Variants in GRIK1 observed in about 807,000 individuals in gnomAD.
GRIK1 encodes glutamate receptor ionotropic, kainate 1.
In GRIK1, 69 loss-of-function variants were observed where a neutral mutation model predicts 105.7. The observed-to-expected ratio is 0.65, with a 90% CI of 0.54 to 0.80. GRIK1 has a LOEUF of 0.80. GRIK1 is among the 30% of genes least tolerant of loss of function. The pLI, the probability that GRIK1 is intolerant of heterozygous loss-of-function variation, is 0.00. For missense variants in GRIK1, 1,109 were observed against 1,167.3 expected, an observed-to-expected ratio of 0.95 and a Z score of 0.73; for synonymous variants, 438 against 431.3, an observed-to-expected ratio of 1.02 and a Z score of -0.19.
intron 1 of GRIK1, among the ~76,000 whole-genome samples, chr21:29,775,275 CAAAAAAAAAAA>C (rs66647707): frequency 4.0e-5 from 3 of 74,724 alleles, no homozygotes; most frequent in Non-Finnish European, 8.2e-5. Flanking sequence ...GCCTCTGTCT[CAAAAAAAAAAA>C]AAAAAAAAAA....
At chr21:29,661,994 A>G (rs3026010) in intron 4 of GRIK1, among the ~76,000 whole-genome samples, 76,778 of 152,050 alleles carry the variant, frequency 0.5, 22,418 homozygotes, top group African/African-American at 0.82. Flanking sequence ...TTTTTCTCCT[A>G]CCTCCAAGTT....
chr21:29,676,790 T>C (rs112430187), intron 3 of GRIK1, among the ~76,000 whole-genome samples: 1 of 152,076 alleles, frequency 6.6e-6, no homozygotes, highest in East Asian at 1.9e-4. Flanking sequence ...TCTTTAAAAA[T>C]GTCAATGTCA....
intron 1 of GRIK1, among the ~76,000 whole-genome samples, chr21:29,754,020 G>C (rs1443915652): frequency 1.3e-5 from 2 of 152,094 alleles, no homozygotes; most frequent in Non-Finnish European, 2.9e-5. Context: ...TACTAGGCAG[G>C]CAGACTCATT....
chr21:29,737,077 T>A (rs542195545), intron 1 of GRIK1, among the ~76,000 whole-genome samples: 2 of 152,350 alleles, frequency 1.3e-5, no homozygotes, highest in South Asian at 4.1e-4. Flanking sequence ...AGATGTATTC[T>A]CCATTTATGT....
chr21:29,924,776 G>T (rs2071304763), intron 1 of GRIK1, among the ~76,000 whole-genome samples: 1 of 151,948 alleles, frequency 6.6e-6, no homozygotes, highest in African/African-American at 2.4e-5. Flanking sequence ...GAGGTGAGGT[G>T]GTCTTCTATT....
At chr21:29,560,367 TC>T (rs1568813643) in intron 15 of GRIK1, among the ~76,000 whole-genome samples, 355 of 27,670 alleles carry the variant, frequency 0.013, 2 homozygotes, top group East Asian at 0.023. Flanking sequence ...TTTTCTTTCT[TC>T]CTTCCTTCCT....
At chr21:29,819,730 C>A (rs2067247195) in intron 1 of GRIK1, among the ~76,000 whole-genome samples, 1 of 151,908 alleles carries the variant, frequency 6.6e-6, no homozygotes, top group Non-Finnish European at 1.5e-5. Flanking sequence ...TCGAAAGGAG[C>A]AGTCAAGACT....
intron 1 of GRIK1, among the ~76,000 whole-genome samples, chr21:29,828,466 G>C (rs1601799150): frequency 6.6e-6 from 1 of 151,990 alleles, no homozygotes; most frequent in African/African-American, 2.4e-5. Flanking sequence ...CAGGAATGGT[G>C]AAAGCACTTT....
intron 1 of GRIK1, among the ~76,000 whole-genome samples, chr21:29,936,168 A>G (rs578242557): frequency 1.3e-5 from 2 of 152,330 alleles, no homozygotes; most frequent in South Asian, 2.1e-4. Context: ...ACACCAAAAC[A>G]TGCTTCGGAA....
At chr21:29,933,116 T>C (rs1392630695) in intron 1 of GRIK1, among the ~76,000 whole-genome samples, 1 of 152,166 alleles carries the variant, frequency 6.6e-6, no homozygotes, top group Non-Finnish European at 1.5e-5. Flanking sequence ...TCTGCCACCA[T>C]ACTAAGTGTT....
intron 1 of GRIK1, among the ~76,000 whole-genome samples, chr21:29,876,476 C>T (rs543610105): frequency 6.6e-6 from 1 of 152,224 alleles, no homozygotes; most frequent in East Asian, 1.9e-4. Context: ...AGAATCTACC[C>T]CCTACTGGTG....
intron 1 of GRIK1, among the ~76,000 whole-genome samples, chr21:29,898,662 A>C (rs1022834497): frequency 6.6e-6 from 1 of 152,228 alleles, no homozygotes; most frequent in African/African-American, 2.4e-5. Context: ...CTTAACAAAA[A>C]GACAATTAAT....
At chr21:29,905,351 G>A (rs1434380777) in intron 1 of GRIK1, among the ~76,000 whole-genome samples, 1 of 151,754 alleles carries the variant, frequency 6.6e-6, no homozygotes, top group Non-Finnish European at 1.5e-5. Flanking sequence ...GGTCCTAGAA[G>A]GTCTATAAAA....
chr21:29,891,091 C>G (rs868735968), intron 1 of GRIK1, among the ~76,000 whole-genome samples: 33 of 152,082 alleles, frequency 2.2e-4, no homozygotes, highest in Middle Eastern at 3.2e-3. Context: ...CCTCAGTGGA[C>G]TATTTGGTAC....
chr21:29,919,836 A>G (rs1213940328), intron 1 of GRIK1, among the ~76,000 whole-genome samples: 2 of 152,180 alleles, frequency 1.3e-5, no homozygotes, highest in South Asian at 4.1e-4. Flanking sequence ...GTGCTTCAGG[A>G]TAGTACTTAT....
At position 29,587,404 on chromosome 21, in the gene GRIK1, G is replaced by C; in HGVS notation, c.1755C>G (p.Ala585=). ...SPDIWMYVLL[A]CLGVSCVLFV... is the part of the protein sequence containing the mutation. ...AGAGTACACAGCTGACTCCCAAGCAGGCTAAGAGCACATACATCCAAATAT... is the reference window on the plus strand; with the variant it reads ...AGAGTACACAGCTGACTCCCAAGCACGCTAAGAGCACATACATCCAAATAT... The change falls in exon 12 of 18, where the codon GCC becomes GCG. Residue 585 remains alanine, a synonymous_variant. Transcript: ENST00000327783. 1.2e-6 allele frequency: 2 copies of C among 1,613,630 alleles called. No homozygotes were observed. The highest frequency in any genetic ancestry group is 1.7e-6 in the Non-Finnish European group (2 of 1,179,590).
intron 1 of GRIK1, among the ~76,000 whole-genome samples, chr21:29,835,799 T>A (rs1466899354): frequency 6.6e-6 from 1 of 152,206 alleles, no homozygotes; most frequent in African/African-American, 2.4e-5. Flanking sequence ...CTATTTTTTT[T>A]AACTTATTAA....
chr21:29,638,561 T>G (rs2062445378), intron 7 of GRIK1, among the ~76,000 whole-genome samples: 1 of 152,220 alleles, frequency 6.6e-6, no homozygotes, highest in South Asian at 2.1e-4. Context: ...AAGGCTACTT[T>G]GTGATGTTAG....
chr21:29,900,472 A>G (rs2070356945), intron 1 of GRIK1, among the ~76,000 whole-genome samples: 1 of 150,768 alleles, frequency 6.6e-6, no homozygotes, highest in Non-Finnish European at 1.5e-5. Flanking sequence ...GAAAAAAAAA[A>G]AAAAAAAGCA....
Sources: gnomAD v4.1 joint callset for allele counts (sites outside exome capture counted in the v4.1 genomes callset) on GRCh38, gnomAD v4.1.1 for gene constraint, MANE v1.5 for transcripts, NCBI Gene and HGNC (gene_info 2026-07-23, HGNC 2026-07-21) for gene names.